The following MAP4 variants were observed in gnomAD, a reference collection of about 807,000 sequenced individuals.
The protein encoded by MAP4 is microtubule associated protein 4, also known as microtubule-associated protein 4.
A neutral mutation model predicts 170.2 loss-of-function variants in MAP4; 76 were observed. The ratio of observed to expected loss-of-function variants is 0.45; its 90% CI spans 0.37 to 0.54. The LOEUF (loss-of-function observed/expected upper bound fraction) is 0.54, where lower values mean the gene tolerates loss of function less well. MAP4 is among the 20% of genes least tolerant of loss of function. The pLI, the probability that MAP4 is intolerant of heterozygous loss-of-function variation, is 0.00. For synonymous variants in MAP4, 909 were observed against 994.5 expected, an observed-to-expected ratio of 0.91 and a Z score of 1.62; for missense variants, 2,506 against 2,748.0, an observed-to-expected ratio of 0.91 and a Z score of 1.97.
chr3:47,875,666 T>A lies in MAP4; in HGVS notation c.5757+19A>T. On this transcript the variant is annotated intron_variant, in intron 12 of 20. Coordinates refer to ENST00000683076, the MANE Select transcript of MAP4 (RefSeq NM_001385682.1). ...AGGGGAACAATTTTCCTCGGCACAGTAGTTAGGTGACCACTTACCTTTGGC... is the reference window on the plus strand; with the variant it reads ...AGGGGAACAATTTTCCTCGGCACAGAAGTTAGGTGACCACTTACCTTTGGC... The A allele has an allele frequency of 6.2e-7, 1 of 1,604,386 alleles. No homozygotes were observed. The highest frequency in any genetic ancestry group is 1.1e-5 in the South Asian group (1 of 90,146).
At chr3:47,936,309 C>T (rs1384554139) in intron 3 of MAP4, among the ~76,000 whole-genome samples, 1 of 151,622 alleles carries the variant, frequency 6.6e-6, no homozygotes, top group Non-Finnish European at 1.5e-5. Flanking sequence ...GTGGTAGGCA[C>T]CTGTAATCCC....
At chr3:47,895,618 T>G (rs1457776155) in intron 10 of MAP4, among the ~76,000 whole-genome samples, 2 of 152,218 alleles carry the variant, frequency 1.3e-5, no homozygotes, top group African/African-American at 4.8e-5. Flanking sequence ...CATAGAAACT[T>G]GTTCCTTATA....
intron 10 of MAP4, among the ~76,000 whole-genome samples, chr3:47,893,216 C>A (rs2100025015): frequency 6.6e-6 from 1 of 152,140 alleles, no homozygotes; most frequent in Non-Finnish European, 1.5e-5. Context: ...ATAAAGGGTT[C>A]ATTTAAAGAC....
intron 10 of MAP4, among the ~76,000 whole-genome samples, chr3:47,890,851 C>G (rs1311413189): frequency 1.3e-5 from 2 of 152,158 alleles, no homozygotes; most frequent in Non-Finnish European, 2.9e-5. Flanking sequence ...TCACTTTGTT[C>G]TCTTCCTTGC....
intron 2 of MAP4, among the ~76,000 whole-genome samples, chr3:47,978,927 C>CT (rs1396966901): frequency 6.6e-6 from 1 of 151,832 alleles, no homozygotes; most frequent in Non-Finnish European, 1.5e-5. Context: ...TTTGAAAATT[C>CT]TTTATGTATT....
chr3:47,883,838 T>C (rs2097167811), intron 10 of MAP4, among the ~76,000 whole-genome samples: 1 of 152,192 alleles, frequency 6.6e-6, no homozygotes, highest in African/African-American at 2.4e-5. Flanking sequence ...ATTTAAATGC[T>C]GTTTCCTCAG....
chr3:47,972,965 C>T (rs998645711), intron 3 of MAP4: 1 of 933,322 alleles, frequency 1.1e-6, no homozygotes, highest in Non-Finnish European at 1.3e-6. Context: ...ACAATTAATC[C>T]GGGTGGGATT....
chr3:47,893,602 T>A (rs1332892309), intron 10 of MAP4, among the ~76,000 whole-genome samples: 1 of 152,114 alleles, frequency 6.6e-6, no homozygotes, highest in Admixed American at 6.6e-5. Context: ...GAGAAAAAAA[T>A]TACACTATAA....
rs2100038738 is a variant in MAP4 at position 47,916,094 on chromosome 3, G to A, written c.1733C>T (p.Pro578Leu). 2 of 1,614,206 alleles carry A rather than the reference G, an allele frequency of 1.2e-6. No individual in the cohort carries two copies. Among genetic ancestry groups the A allele is most frequent in the Middle Eastern group, 1.6e-4 (1 of 6,062 alleles). ...NNVTPAKDVPPLSETEATPVP... is the reference protein window; with the variant it reads ...NNVTPAKDVPLLSETEATPVP... ...TGGTGTTGCCTCTGTTTCTGAGAGT[G>A]GTGGAACATCTTTGGCTGGAGTCAC... Residue 578 changes from proline (P) to leucine (L), a missense_variant, in exon 7 of 21, where the codon CCA becomes CTA. Pro to Leu is a moderately conservative substitution (Grantham distance 98). Transcript: ENST00000683076.
Position 47,852,610 on chromosome 3 carries a change from C to G in MAP4, c.*324G>C. 1.2e-6 allele frequency: 1 copy of G among 814,274 alleles called. No homozygotes were observed. The highest frequency in any genetic ancestry group is 1.9e-6 in the Non-Finnish European group (1 of 540,188). The allele number at this position is 814,274 out of a possible 1,614,324, so 50.4% of individuals were successfully genotyped here. A position where few individuals can be genotyped will look rare whatever the true frequency, so the allele number is the denominator to read the frequency against. Reference sequence around the variant, plus strand: ...AACTTAGCCTCAACCACCCCAACCCCCTCCCAACCTCCTCCACGGAGCAGT... The same window carrying G: ...AACTTAGCCTCAACCACCCCAACCCGCTCCCAACCTCCTCCACGGAGCAGT... On this transcript the variant is annotated 3_prime_UTR_variant, in exon 21 of 21. Coordinates refer to ENST00000683076, the MANE Select transcript of MAP4 (RefSeq NM_001385682.1).
chr3:47,944,267 G>A (rs559833699), intron 3 of MAP4, among the ~76,000 whole-genome samples: 2 of 152,114 alleles, frequency 1.3e-5, no homozygotes, highest in Admixed American at 6.5e-5. Flanking sequence ...CCAAGATCAC[G>A]TCACTGCACT....
At chr3:47,969,207 AG>A (rs2100077007) in intron 3 of MAP4, among the ~76,000 whole-genome samples, 1 of 152,198 alleles carries the variant, frequency 6.6e-6, no homozygotes, top group South Asian at 2.1e-4. Context: ...CAGGAGCTCA[AG>A]AACAGCCTGG....
At chr3:47,878,526 A>G (rs534095415) in intron 10 of MAP4, among the ~76,000 whole-genome samples, 4 of 152,312 alleles carry the variant, frequency 2.6e-5, no homozygotes, top group African/African-American at 9.6e-5. Context: ...AGAAAAATAA[A>G]AAAACCCCAC....
At chr3:47,879,368 C>T (rs1014098985) in intron 10 of MAP4, among the ~76,000 whole-genome samples, 2 of 152,018 alleles carry the variant, frequency 1.3e-5, no homozygotes, top group Admixed American at 6.6e-5. Flanking sequence ...TGTAATTAAA[C>T]AGAACAACGT....
intron 1 of MAP4, among the ~76,000 whole-genome samples, chr3:48,010,460 T>C (rs978599935): frequency 6.6e-6 from 1 of 152,250 alleles, no homozygotes; most frequent in Non-Finnish European, 1.5e-5. Context: ...TATTATTAAC[T>C]TTATGTAATA....
chr3:48,069,204 T>G (rs974319235), intron 1 of MAP4, among the ~76,000 whole-genome samples: 6 of 152,190 alleles, frequency 3.9e-5, no homozygotes, highest in Non-Finnish European at 8.8e-5. Flanking sequence ...CCAATGAAAC[T>G]TACAGGGAAT....
At position 47,916,088 on chromosome 3, in the gene MAP4, G is replaced by A. The variant is rs1200172573; in HGVS notation, c.1739C>T (p.Ser580Leu). The A allele has an allele frequency of 6.2e-7, 1 of 1,614,198 alleles. No individual in the cohort carries two copies. Among genetic ancestry groups the A allele is most frequent in the Non-Finnish European group, 8.5e-7 (1 of 1,180,030 alleles). The change falls in exon 7 of 21, where the codon TCA becomes TTA. Residue 580 changes from serine to leucine, a missense_variant. By Grantham distance (145) the Ser-to-Leu change is moderately radical. Around this residue, in one of 3 missense-constraint regions of MAP4, gnomAD observed 2,008 missense variants for 2,206.0 expected, o/e 0.91. Transcript: ENST00000683076. ...VTPAKDVPPLSETEATPVPIK... is the reference protein window; with the variant it reads ...VTPAKDVPPLLETEATPVPIK... ...TGGAACTGGTGTTGCCTCTGTTTCT[G>A]AGAGTGGTGGAACATCTTTGGCTGG...
chr3:47,891,495 G>A, intron 10 of MAP4: 1 of 1,515,276 alleles, frequency 6.6e-7, no homozygotes, highest in Middle Eastern at 1.7e-4. Flanking sequence ...GGGGGAGGCA[G>A]CAGGCCAGAA....
chr3:47,898,362 C>T (rs1036297216), intron 10 of MAP4, among the ~76,000 whole-genome samples: 4 of 151,410 alleles, frequency 2.6e-5, no homozygotes, highest in East Asian at 2.0e-4. Context: ...ATTAGCTGGG[C>T]GTGGTGGCAC....
Sources: allele counts gnomAD v4.1 joint callset (sites outside exome capture counted in the v4.1 genomes callset), GRCh38; gene constraint gnomAD v4.1.1; regional missense constraint gnomAD v4.1.1; transcripts MANE v1.5; gene names NCBI Gene and HGNC (gene_info 2026-07-23, HGNC 2026-07-21).